The following GULP1 variants were observed in gnomAD, a reference collection of about 807,000 sequenced individuals.
GULP1 encodes the protein PTB domain-containing engulfment adapter protein 1.
Under a neutral mutation model 40.9 loss-of-function variants are expected in GULP1, and 19 were observed. The observed-to-expected ratio is 0.46, with a 90% CI of 0.32 to 0.68. The LOEUF is 0.68. Ranked by LOEUF, GULP1 falls within the 30% of genes least tolerant of loss-of-function variation. GULP1 has a pLI of 0.03. For synonymous variants in GULP1, 119 were observed against 117.6 expected, an observed-to-expected ratio of 1.01 and a Z score of -0.08; for missense variants, 312 against 362.2, an observed-to-expected ratio of 0.86 and a Z score of 1.12.
intron 1 of GULP1, among the ~76,000 whole-genome samples, chr2:188,298,209 A>G (rs536559042): frequency 6.6e-6 from 1 of 152,086 alleles, no homozygotes; most frequent in African/African-American, 2.4e-5. Context: ...GATGTGTGTT[A>G]TTATAGTCAT....
intron 7 of GULP1, among the ~76,000 whole-genome samples, chr2:188,548,787 G>C (rs1211209539): frequency 6.6e-6 from 1 of 151,900 alleles, no homozygotes; most frequent in Non-Finnish European, 1.5e-5. Flanking sequence ...CCCAGCTAAT[G>C]TTTGTCAATG....
intron 2 of GULP1, among the ~76,000 whole-genome samples, chr2:188,417,027 A>G (rs978114672): frequency 5.9e-5 from 9 of 152,226 alleles, no homozygotes; most frequent in African/African-American, 2.2e-4. Flanking sequence ...AAAATACCTG[A>G]AAGTTAAATT....
chr2:188,357,001 T>G (rs1489483288), intron 1 of GULP1, among the ~76,000 whole-genome samples: 2 of 152,036 alleles, frequency 1.3e-5, no homozygotes, highest in Non-Finnish European at 2.9e-5. Context: ...AAACAGGATA[T>G]CCACATGCAG....
intron 2 of GULP1, among the ~76,000 whole-genome samples, chr2:188,425,603 T>TTA (rs1235919408): frequency 1.3e-5 from 2 of 152,156 alleles, no homozygotes; most frequent in African/African-American, 4.8e-5. Flanking sequence ...TATCTTACAT[T>TTA]TATATCTCTT....
chr2:188,439,863 C>G (rs1212679103), intron 2 of GULP1, among the ~76,000 whole-genome samples: 1 of 151,964 alleles, frequency 6.6e-6, no homozygotes, highest in East Asian at 1.9e-4. Flanking sequence ...TAAGGTGATG[C>G]AGGAAAAGCA....
chr2:188,325,024 T>TAC (rs967931133), intron 1 of GULP1, among the ~76,000 whole-genome samples: 8 of 151,780 alleles, frequency 5.3e-5, no homozygotes, highest in African/African-American at 1.9e-4. Context: ...TTCAGACACA[T>TAC]ACACACACAC....
rs572150393 is a variant in GULP1, at chr2:188,431,169, C to T, written c.-44-46490C>T. ...CAAACCTTCAGAGGGCCTCTGGCTG[C>T]TAAACATATTAAGAAAAGCCAGGAG... On this transcript the variant is annotated intron_variant, in intron 2 of 11. Coordinates refer to ENST00000409830, the MANE Select transcript of GULP1 (RefSeq NM_016315.4). Among the ~76,000 whole-genome samples, 13 of 152,162 alleles carry T rather than the reference C, an allele frequency of 8.5e-5. No individual in the cohort carries two copies. The South Asian group carries it at 2.7e-3, about 32-fold the overall frequency.
chr2:188,564,316 T>C (rs933783306), intron 7 of GULP1, among the ~76,000 whole-genome samples: 1 of 151,788 alleles, frequency 6.6e-6, no homozygotes, highest in Non-Finnish European at 1.5e-5. Flanking sequence ...AAATTGTCTT[T>C]TTTCACATAT....
At chr2:188,348,786 A>G (rs1438197484) in intron 1 of GULP1, among the ~76,000 whole-genome samples, 1 of 152,138 alleles carries the variant, frequency 6.6e-6, no homozygotes, top group Non-Finnish European at 1.5e-5. Flanking sequence ...GCATCTGTGG[A>G]TTTTGGTATC....
intron 2 of GULP1, among the ~76,000 whole-genome samples, chr2:188,409,184 C>CA (rs554106720): frequency 3.9e-4 from 59 of 152,062 alleles, no homozygotes; most frequent in Admixed American, 1.1e-3. Flanking sequence ...CAAAGAGCAA[C>CA]AAACTAAGAG....
intron 1 of GULP1, among the ~76,000 whole-genome samples, chr2:188,315,614 A>G (rs1370103204): frequency 6.6e-6 from 1 of 152,144 alleles, no homozygotes; most frequent in Non-Finnish European, 1.5e-5. Context: ...TAATGAATAC[A>G]GTAGGCCCCC....
intron 9 of GULP1, among the ~76,000 whole-genome samples, chr2:188,580,168 A>G (rs1306935818): frequency 6.6e-6 from 1 of 152,244 alleles, no homozygotes; most frequent in Non-Finnish European, 1.5e-5. Flanking sequence ...GCTACCAAGG[A>G]CAGAATTTTA....
intron 2 of GULP1, among the ~76,000 whole-genome samples, chr2:188,393,863 C>A (rs1449162405): frequency 6.6e-6 from 1 of 152,134 alleles, no homozygotes; most frequent in Admixed American, 6.5e-5. Flanking sequence ...GTCCCTCCTG[C>A]CTGGTAAGGT....
chr2:188,569,981 CA>C, intron 8 of GULP1, 46 bp from the exon 9 acceptor site: 2 of 753,764 alleles, frequency 2.7e-6, no homozygotes, highest in Middle Eastern at 2.8e-4. Flanking sequence ...CAATATTTTC[CA>C]AGAAAAAAAA....
At chr2:188,320,438 C>A (rs753379205) in intron 1 of GULP1, among the ~76,000 whole-genome samples, 26 of 152,054 alleles carry the variant, frequency 1.7e-4, no homozygotes, top group Non-Finnish European at 3.1e-4. Flanking sequence ...ATGAAAAAGT[C>A]CTCTCCAACT....
At position 188,292,293 on chromosome 2, in the gene GULP1, GGA is replaced by G. The variant is rs1183037171; in HGVS notation, c.-172+128_-172+129del. ...GGACAGCTCCGGCCACCAGTGCCCG[GGA>G]AGGAGGGCGCGGGGCTGCGCGTAGC... On this transcript the variant is annotated intron_variant, in intron 1 of 11. Coordinates refer to ENST00000409830, the MANE Select transcript of GULP1 (RefSeq NM_016315.4). The surrounding 1 kb of genome is among the most constrained non-coding windows in gnomAD (Gnocchi z 4.0). 6.6e-6 allele frequency: 1 copy of G among 152,602 alleles called. No individual in the cohort carries two copies. The highest frequency in any genetic ancestry group is 1.9e-4 in the East Asian group (1 of 5,172). The allele number at this position is 152,602 out of a possible 1,614,324, so 9.5% of individuals were successfully genotyped here. A position where few individuals can be genotyped will look rare whatever the true frequency, so the allele number is the denominator to read the frequency against.
chr2:188,466,253 T>G (rs2060104043), intron 2 of GULP1, among the ~76,000 whole-genome samples: 1 of 151,706 alleles, frequency 6.6e-6, no homozygotes, highest in Non-Finnish European at 1.5e-5. Flanking sequence ...AAGGGCACAC[T>G]TTGTGGTTTT....
chr2:188,524,366 A>G (rs1449127127), intron 5 of GULP1, among the ~76,000 whole-genome samples: 2 of 152,138 alleles, frequency 1.3e-5, no homozygotes, highest in African/African-American at 2.4e-5. Context: ...CTCTGTTAAT[A>G]AAAGAATGTG....
chr2:188,440,429 G>A (rs912888559), intron 2 of GULP1, among the ~76,000 whole-genome samples: 1 of 152,024 alleles, frequency 6.6e-6, no homozygotes, highest in Non-Finnish European at 1.5e-5. Flanking sequence ...TTTCGGAAAG[G>A]GTCACACTCA....
Sources: gnomAD v4.1 joint callset for allele counts (sites outside exome capture counted in the v4.1 genomes callset) on GRCh38, gnomAD v4.1.1 for gene constraint, Gnocchi (gnomAD v3.1) non-coding constraint, MANE v1.5 for transcripts, NCBI Gene and HGNC (gene_info 2026-07-23, HGNC 2026-07-21) for gene names.